VSIG10: variants seen among roughly 807,000 people sequenced by gnomAD.
VSIG10 encodes V-set and immunoglobulin domain-containing protein 10.
VSIG10 carries 48 observed loss-of-function variants against 58.7 expected under a neutral mutation model. The ratio of observed to expected loss-of-function variants is 0.82; its 90% CI spans 0.65 to 1.04. The LOEUF is 1.04. Among genes scored for constraint, VSIG10 ranks in the 50% least tolerant of loss-of-function variants. The pLI is 0.00. For missense variants in VSIG10, 628 were observed against 670.0 expected (o/e 0.94, Z 0.69); for synonymous variants, 260 against 267.1 (o/e 0.97, Z 0.26).
intron 2 of VSIG10, among the ~76,000 whole-genome samples, chr12:118,094,344 T>G (rs1425901305): frequency 6.6e-6 from 1 of 152,130 alleles, no homozygotes; most frequent in Non-Finnish European, 1.5e-5. Flanking sequence ...AAATAAAAGC[T>G]TATTAATATG....
chr12:118,088,950 T>TC (rs201256461), intron 2 of VSIG10, among the ~76,000 whole-genome samples: 17 of 149,636 alleles, frequency 1.1e-4, no homozygotes, highest in East Asian at 9.7e-4. Context: ...CCTTTTTCTT[T>TC]TTTTTTTTTT....
intron 2 of VSIG10, among the ~76,000 whole-genome samples, chr12:118,092,638 CT>C (rs35654590): frequency 4.4e-4 from 62 of 140,378 alleles, no homozygotes; most frequent in East Asian, 1.0e-3. Flanking sequence ...TTTTCTTTTT[CT>C]TTTTTTTTTT....
At chr12:118,101,341 T>G (rs185409006) in intron 1 of VSIG10, among the ~76,000 whole-genome samples, 1 of 152,318 alleles carries the variant, frequency 6.6e-6, no homozygotes, top group East Asian at 1.9e-4. Flanking sequence ...CTGAGAAAAT[T>G]GAGATTTAGG....
At chr12:118,078,957 A>AG (rs1215274631) in intron 4 of VSIG10, among the ~76,000 whole-genome samples, 2 of 146,932 alleles carry the variant, frequency 1.4e-5, no homozygotes, top group Non-Finnish European at 3.0e-5. Context: ...AAAAAAAAAA[A>AG]AAAAAAAAAA....
chr12:118,092,965 T>C (rs2033340858), intron 2 of VSIG10, among the ~76,000 whole-genome samples: 1 of 151,648 alleles, frequency 6.6e-6, no homozygotes, highest in Non-Finnish European at 1.5e-5. Flanking sequence ...ACAAATATCC[T>C]TTTTTTTCCA....
rs563301342 is a variant in VSIG10, at chr12:118,070,917, C to T, written c.1346+135G>A. 736 of 1,051,384 alleles carry T rather than the reference C, an allele frequency of 7.0e-4. 5 individuals are homozygous for T. In the Middle Eastern group the frequency reaches 7.8e-3, roughly 11 times the overall value. The allele number at this position is 1,051,384 out of a possible 1,614,324, so 65.1% of individuals were successfully genotyped here. A position where few individuals can be genotyped will look rare whatever the true frequency, so the allele number is the denominator to read the frequency against. Reference sequence around the variant, plus strand: ...GTTTATAAGAATACCTGATGAAATCCCTAGGCCAGTGTCTAGCACATCGTA... The same window carrying T: ...GTTTATAAGAATACCTGATGAAATCTCTAGGCCAGTGTCTAGCACATCGTA... On this transcript the variant is annotated intron_variant, in intron 7 of 8. Transcript: ENST00000359236.
At chr12:118,089,148 C>A (rs958370212) in intron 2 of VSIG10, among the ~76,000 whole-genome samples, 2 of 151,838 alleles carry the variant, frequency 1.3e-5, no homozygotes, top group African/African-American at 2.4e-5. Flanking sequence ...GGAGTTTCAC[C>A]ATGTTGGCCA....
intron 8 of VSIG10, among the ~76,000 whole-genome samples, chr12:118,067,904 G>A (rs1462846666): frequency 2.0e-5 from 3 of 151,912 alleles, no homozygotes; most frequent in Admixed American, 2.0e-4. Context: ...GTAGTTGATA[G>A]TAGTCTCAGG....
intron 2 of VSIG10, among the ~76,000 whole-genome samples, chr12:118,088,947 CTTTT>C (rs150822972): frequency 7.0e-6 from 1 of 142,346 alleles, no homozygotes; most frequent in Non-Finnish European, 1.5e-5. Flanking sequence ...ATTCCTTTTT[CTTTT>C]TTTTTTTTTT....
intron 1 of VSIG10, among the ~76,000 whole-genome samples, 190 bp from the exon 2 acceptor site, chr12:118,096,004 C>T (rs758136890): frequency 6.8e-6 from 1 of 147,974 alleles, no homozygotes; most frequent in Non-Finnish European, 1.5e-5. Flanking sequence ...CGCCTAACTG[C>T]AACCTCTGCC....
intron 2 of VSIG10, among the ~76,000 whole-genome samples, chr12:118,091,043 G>A (rs2033278874): frequency 6.6e-6 from 1 of 152,110 alleles, no homozygotes; most frequent in Non-Finnish European, 1.5e-5. Context: ...GCTGAGGCAT[G>A]AGAATCACTT....
intron 2 of VSIG10, among the ~76,000 whole-genome samples, chr12:118,087,086 A>T (rs1404486376): frequency 6.6e-6 from 1 of 152,000 alleles, no homozygotes; most frequent in Non-Finnish European, 1.5e-5. Flanking sequence ...TGAAAAAAAA[A>T]AAAAAGAAAG....
intron 2 of VSIG10, among the ~76,000 whole-genome samples, chr12:118,090,267 T>A (rs2033255267): frequency 6.6e-6 from 1 of 152,134 alleles, no homozygotes; most frequent in Non-Finnish European, 1.5e-5. Context: ...ATCATGCCAC[T>A]GCACTCCAGC....
At chr12:118,092,103 G>A (rs376307101) in intron 2 of VSIG10, among the ~76,000 whole-genome samples, 6 of 152,124 alleles carry the variant, frequency 3.9e-5, no homozygotes, top group South Asian at 2.1e-4. Context: ...CTGTAGCCCA[G>A]GGTGGAGTAC....
At position 118,073,683 on chromosome 12, in the gene VSIG10, C is replaced by T. The variant is rs1458965730; in HGVS notation, c.1219+16G>A. 6.3e-7 allele frequency: 1 copy of T among 1,588,128 alleles called. No individual in the cohort carries two copies. The highest frequency in any genetic ancestry group is 8.6e-7 in the Non-Finnish European group (1 of 1,164,828). ...CTCTGAACCCTCCCTCCTTCAGGCC[C>T]AGTTCCACCACTCACCTTTCACACT... On this transcript the variant is annotated intron_variant, in intron 5 of 8. Transcript: ENST00000359236.
intron 2 of VSIG10, among the ~76,000 whole-genome samples, chr12:118,084,147 C>T (rs2033050257): frequency 6.6e-6 from 1 of 152,102 alleles, no homozygotes. Context: ...AAAGGAAAAG[C>T]TTTGCCAAAT....
rs777896288 is a variant in VSIG10, at chr12:118,073,821, T to C, written c.1097A>G (p.Asp366Gly). 3.7e-6 allele frequency: 6 copies of C among 1,613,832 alleles called. No individual in the cohort carries two copies. Among genetic ancestry groups the C allele is most frequent in the African/African-American group, 1.3e-5 (1 of 74,918 alleles). ...GATAGTGAGGGTGGAGTTCTGGCCA[T>C]CCTGGGTAATGAGATGGCGGCTGCT... ...QPSSRHLITQ[D>G]GQNSTLTIHN... Residue 366 changes from aspartate to glycine, a missense_variant, in exon 5 of 9, where the codon GAT becomes GGT. Transcript: ENST00000359236.
In VSIG10 at chr12:118,097,336, G is replaced by A. The variant is rs764435992; in HGVS notation, c.80-1522C>T. 4.5e-4 allele frequency among the ~76,000 whole-genome samples: 69 copies of A among 152,206 alleles called. 1 individual carries two copies. The highest frequency in any genetic ancestry group is 1.2e-3 in the South Asian group (6 of 4,828). ...TGCAAATCAAAACTGCAATGAGGCC[G>A]GGAGCCGTGGCTCATGCCTGTAATT... On this transcript the variant is annotated intron_variant, in intron 1 of 8. Transcript: ENST00000359236.
intron 4 of VSIG10, among the ~76,000 whole-genome samples, chr12:118,078,238 A>C (rs1309527911): frequency 4.6e-5 from 7 of 152,120 alleles, no homozygotes; most frequent in African/African-American, 1.7e-4. Context: ...GGCTCACTGG[A>C]AGCTCCGCCT....
Sources: gnomAD v4.1 joint callset for allele counts (sites outside exome capture counted in the v4.1 genomes callset) on GRCh38, gnomAD v4.1.1 for gene constraint, MANE v1.5 for transcripts, NCBI Gene and HGNC (gene_info 2026-07-23, HGNC 2026-07-21) for gene names.